The following SUCLG2 variants were observed in gnomAD, a reference collection of about 807,000 sequenced individuals.
SUCLG2 encodes succinate-CoA ligase GDP-forming subunit beta, also known as succinate--CoA ligase [GDP-forming] subunit beta, mitochondrial.
SUCLG2 carries 42 observed loss-of-function variants against 47.9 expected under a neutral mutation model. The ratio of observed to expected loss-of-function variants is 0.88; its 90% CI spans 0.69 to 1.14. The LOEUF is 1.14. Ranked by LOEUF, SUCLG2 falls within the 50% of genes most tolerant of loss-of-function variation. SUCLG2 has a pLI of 0.00. For missense variants in SUCLG2, 571 were observed against 525.9 expected (o/e 1.09, Z -0.84); for synonymous variants, 195 against 197.3 (o/e 0.99, Z 0.10).
At chr3:67,437,417 C>T (rs1703650448) in intron 9 of SUCLG2, among the ~76,000 whole-genome samples, 1 of 152,144 alleles carries the variant, frequency 6.6e-6, no homozygotes, top group Non-Finnish European at 1.5e-5. Context: ...CAGACATGGA[C>T]TACAAGGCTA....
intron 2 of SUCLG2, among the ~76,000 whole-genome samples, chr3:67,548,019 C>T (rs560230224): frequency 5.4e-4 from 82 of 152,308 alleles, no homozygotes; most frequent in African/African-American, 1.7e-3. Flanking sequence ...CCTCAGCATA[C>T]GGTCATTCAT....
At chr3:67,545,054 G>A (rs2107182472) in intron 2 of SUCLG2, among the ~76,000 whole-genome samples, 1 of 152,176 alleles carries the variant, frequency 6.6e-6, no homozygotes. Context: ...AGATAAAACA[G>A]CCCCCAGCCA....
At chr3:67,433,252 C>A (rs893778396) in intron 9 of SUCLG2, among the ~76,000 whole-genome samples, 1 of 152,174 alleles carries the variant, frequency 6.6e-6, no homozygotes, top group Admixed American at 6.5e-5. Flanking sequence ...GAAACCACTT[C>A]ATATGGCTTC....
intron 2 of SUCLG2, among the ~76,000 whole-genome samples, chr3:67,534,316 T>G (rs962393622): frequency 6.6e-6 from 1 of 152,274 alleles, no homozygotes; most frequent in East Asian, 1.9e-4. Flanking sequence ...TTAAAAATGA[T>G]AATATCTTAA....
At chr3:67,595,374 T>C (rs2772465) in intron 2 of SUCLG2, among the ~76,000 whole-genome samples, 70,406 of 151,832 alleles carry the variant, frequency 0.46, 16,759 homozygotes, top group African/African-American at 0.55. Context: ...CACCAGGGCT[T>C]CTGAGAGTTT....
chr3:67,442,348 A>G (rs964018635), intron 9 of SUCLG2, among the ~76,000 whole-genome samples: 1 of 152,186 alleles, frequency 6.6e-6, no homozygotes, highest in Non-Finnish European at 1.5e-5. Flanking sequence ...AATCCCCAGA[A>G]CAGTGGTTCT....
intron 10 of SUCLG2, among the ~76,000 whole-genome samples, chr3:67,393,985 C>G (rs1242058727): frequency 1.3e-5 from 2 of 152,090 alleles, no homozygotes; most frequent in Non-Finnish European, 2.9e-5. Flanking sequence ...GGAAAACTAA[C>G]AAACAGAAAG....
chr3:67,582,096 T>C (rs1707893503), intron 2 of SUCLG2, among the ~76,000 whole-genome samples: 1 of 152,240 alleles, frequency 6.6e-6, no homozygotes, highest in African/African-American at 2.4e-5. Flanking sequence ...GCATGGCATA[T>C]TAATATACCA....
intron 9 of SUCLG2, chr3:67,408,510 G>T: frequency 3.3e-6 from 2 of 613,622 alleles, no homozygotes; most frequent in South Asian, 7.1e-5. Flanking sequence ...GCATGGAAAC[G>T]ACATCTTATG....
At position 67,609,565 on chromosome 3, in the gene SUCLG2, T is replaced by C; in HGVS notation, c.116A>G (p.Asn39Ser). 6.2e-7 allele frequency: 1 copy of C among 1,613,828 alleles called. No individual in the cohort carries two copies. Among genetic ancestry groups the C allele is most frequent in the Non-Finnish European group, 8.5e-7 (1 of 1,179,884 alleles). Reference sequence around the variant, plus strand: ...TTTCTTGCTCTGGTATTCCTGCAGGTTCAGCCATCTTCTGGAGGTTAATTG... The same window carrying C: ...TTTCTTGCTCTGGTATTCCTGCAGGCTCAGCCATCTTCTGGAGGTTAATTG... ...AVQLTSRRWL[N>S]LQEYQSKKLM... The change falls in exon 2 of 11, where the codon AAC becomes AGC. Residue 39 changes from asparagine (N) to serine (S), a missense_variant. Coordinates refer to ENST00000307227, the MANE Select transcript of SUCLG2 (RefSeq NM_003848.4).
chr3:67,376,019 T>C, intron 10 of SUCLG2, 160 bp from the exon 11 acceptor site: 1 of 985,438 alleles, frequency 1.0e-6, no homozygotes, highest in Admixed American at 6.1e-5. Context: ...GATTATGTGA[T>C]GAAATTTATC....
chr3:67,490,968 G>A (rs1705186727), intron 9 of SUCLG2, among the ~76,000 whole-genome samples: 1 of 152,150 alleles, frequency 6.6e-6, no homozygotes, highest in Non-Finnish European at 1.5e-5. Flanking sequence ...AGAGTATACA[G>A]TACATGATTC....
chr3:67,500,436 T>C lies in SUCLG2; in HGVS notation c.758-2141A>G, dbSNP rs541792333. 2.6e-5 allele frequency among the ~76,000 whole-genome samples: 4 copies of C among 152,368 alleles called. No homozygotes were observed. The South Asian group carries it at 8.3e-4, about 32-fold the overall frequency. On this transcript the variant is annotated intron_variant, in intron 7 of 10. Transcript: ENST00000307227. ...AGAGAGAATCTTATATGGAAGTTAA[T>C]GTCTGCTTAAATCCTTAGTCTTGCC...
chr3:67,642,525 C>T (rs1465945590), intron 1 of SUCLG2, among the ~76,000 whole-genome samples: 1 of 152,036 alleles, frequency 6.6e-6, no homozygotes, highest in African/African-American at 2.4e-5. Context: ...ACAGAGGATT[C>T]ATTGTGCCCA....
intron 2 of SUCLG2, among the ~76,000 whole-genome samples, chr3:67,534,765 T>G (rs1306966387): frequency 3.1e-5 from 2 of 65,402 alleles, no homozygotes; most frequent in African/African-American, 1.5e-4. Context: ...CTAACACTGA[T>G]GGCAAAAAAA....
intron 8 of SUCLG2, among the ~76,000 whole-genome samples, chr3:67,496,809 A>C (rs1254898441): frequency 1.3e-5 from 2 of 151,920 alleles, no homozygotes; most frequent in African/African-American, 2.4e-5. Context: ...GAAAAAAAAA[A>C]CTCCAGAACA....
chr3:67,591,105 G>A (rs1405468981), intron 2 of SUCLG2, among the ~76,000 whole-genome samples: 2 of 152,140 alleles, frequency 1.3e-5, no homozygotes. Context: ...ATCGGTTGCT[G>A]GAATGAACTG....
intron 2 of SUCLG2, among the ~76,000 whole-genome samples, chr3:67,584,895 C>A (rs1391470426): frequency 1.3e-5 from 2 of 151,996 alleles, no homozygotes; most frequent in East Asian, 3.9e-4. Context: ...GGTAACTGCC[C>A]CCATGATTAA....
intron 1 of SUCLG2, among the ~76,000 whole-genome samples, chr3:67,652,147 T>C (rs1215928354): frequency 7.6e-6 from 1 of 130,990 alleles, no homozygotes; most frequent in South Asian, 2.4e-4. Context: ...ACAGTAAAGC[T>C]AACAGCAAAG....
Sources: gnomAD v4.1 joint callset for allele counts (sites outside exome capture counted in the v4.1 genomes callset) on GRCh38, gnomAD v4.1.1 for gene constraint, MANE v1.5 for transcripts, NCBI Gene and HGNC (gene_info 2026-07-23, HGNC 2026-07-21) for gene names.